Variants in ADAMTSL1 observed in about 807,000 individuals in gnomAD.
The protein encoded by ADAMTSL1 is ADAMTS like 1.
Under a neutral mutation model 201.8 loss-of-function variants are expected in ADAMTSL1, and 126 were observed. The observed-to-expected ratio is 0.62, with a 90% CI of 0.54 to 0.72. The LOEUF is 0.72. Among genes scored for constraint, ADAMTSL1 ranks in the 30% least tolerant of loss-of-function variants. The pLI is 0.00. For synonymous variants in ADAMTSL1, 1,121 were observed against 903.4 expected (o/e 1.24, Z -4.32); for missense variants, 2,679 against 2,277.8 (o/e 1.18, Z -3.59).
chr9:18,147,789 A>C (rs940319569), intron 1 of ADAMTSL1, among the ~76,000 whole-genome samples: 8 of 152,142 alleles, frequency 5.3e-5, no homozygotes, highest in Non-Finnish European at 8.8e-5. Context: ...ATAAGTAGGC[A>C]TGAAAATGAA....
intron 1 of ADAMTSL1, among the ~76,000 whole-genome samples, chr9:18,113,340 A>G (rs1300972438): frequency 6.6e-6 from 1 of 152,074 alleles, no homozygotes; most frequent in Non-Finnish European, 1.5e-5. Flanking sequence ...CAAAACTCCA[A>G]ATGAGGTGGG....
chr9:18,182,285 TAA>T (rs1266490259), intron 2 of ADAMTSL1, among the ~76,000 whole-genome samples: 6 of 124,152 alleles, frequency 4.8e-5, no homozygotes, highest in African/African-American at 3.0e-5. Context: ...ACTTAAAGTA[TAA>T]AAAAAAAAAA....
chr9:18,781,818 C>T (rs1821411644), intron 19 of ADAMTSL1, among the ~76,000 whole-genome samples: 1 of 152,170 alleles, frequency 6.6e-6, no homozygotes, highest in South Asian at 2.1e-4. Context: ...CATGAGCCAG[C>T]AAGATAGGTC....
Position 18,683,766 on chromosome 9 carries a change from A to T in ADAMTSL1, c.1490-950A>T, listed in dbSNP as rs1379030124. ...CTTTACCAAGCCACTTCAGAGAAAG[A>T]AAAGCAGTTTGCAGTTAACTATCAA... On this transcript the variant is annotated intron_variant, in intron 12 of 28. Transcript: ENST00000380548. 2.0e-5 allele frequency among the ~76,000 whole-genome samples: 3 copies of T among 152,264 alleles called. No individual in the cohort carries two copies. The East Asian group carries it at 5.8e-4, about 29-fold the overall frequency.
intron 2 of ADAMTSL1, among the ~76,000 whole-genome samples, chr9:18,413,219 G>T (rs2133323886): frequency 1.5e-5 from 1 of 67,366 alleles, no homozygotes; most frequent in African/African-American, 1.0e-4. Flanking sequence ...CGCAATCTTG[G>T]CTTGCTGCAA....
chr9:18,282,637 C>T (rs1012420555), intron 2 of ADAMTSL1, among the ~76,000 whole-genome samples: 1 of 152,174 alleles, frequency 6.6e-6, no homozygotes, highest in Admixed American at 6.5e-5. Flanking sequence ...GTGGCTCACG[C>T]CTGTAATCCT....
At position 18,093,843 on chromosome 9, in the gene ADAMTSL1, G is replaced by A. The variant is rs952360776; in HGVS notation, c.88-70019G>A. 3.3e-5 allele frequency among the ~76,000 whole-genome samples: 5 copies of A among 152,160 alleles called. No homozygotes were observed. The East Asian group carries it at 7.7e-4, about 23-fold the overall frequency. Reference sequence around the variant, plus strand: ...GGTGTTTGAACCAAGCTTTGGAGAGGGGAAGTGGGGCTGGATGAGGACAGG... The same window carrying A: ...GGTGTTTGAACCAAGCTTTGGAGAGAGGAAGTGGGGCTGGATGAGGACAGG... On this transcript the variant is annotated intron_variant, in intron 1 of 29. Transcript: ENST00000680146.
At chr9:18,071,393 G>A (rs1420905144) in intron 1 of ADAMTSL1, among the ~76,000 whole-genome samples, 1 of 152,210 alleles carries the variant, frequency 6.6e-6, no homozygotes. Flanking sequence ...AACAACAGGG[G>A]TTCCTGCCTT....
chr9:18,889,795 C>T (rs966903047), intron 25 of ADAMTSL1, 47 bp downstream of exon 25: 4 of 1,401,774 alleles, frequency 2.9e-6, no homozygotes, highest in Admixed American at 6.1e-5. Context: ...CTAGGAGGAG[C>T]CCTCCCTGTT....
chr9:18,574,136 C>T lies in ADAMTSL1; in HGVS notation c.344C>T (p.Pro115Leu), dbSNP rs1292531675. 1.9e-6 allele frequency: 3 copies of T among 1,614,122 alleles called. No homozygotes were observed. Among genetic ancestry groups the T allele is most frequent in the East Asian group, 4.5e-5 (2 of 44,874 alleles). Residue 115 changes from proline to leucine, a missense_variant, in exon 4 of 29, where the codon CCT becomes CTT. Coordinates refer to ENST00000380548, the MANE Select transcript of ADAMTSL1 (RefSeq NM_001040272.6). The stretch of plus-strand genomic sequence containing the variant: ...GAATGGCTTCCTGTGTCTAATGACC[C>T]TGACAACCCATGTTCACTCAAGTGC... ...FYEWLPVSNDPDNPCSLKCQA... is the reference protein window; with the variant it reads ...FYEWLPVSNDLDNPCSLKCQA...
Position 18,777,063 on chromosome 9 carries a change from A to G in ADAMTSL1, c.2834A>G (p.Tyr945Cys), listed in dbSNP as rs770672730. 6.2e-7 allele frequency: 1 copy of G among 1,613,276 alleles called. No individual in the cohort carries two copies. Among genetic ancestry groups the G allele is most frequent in the Non-Finnish European group, 8.5e-7 (1 of 1,179,744 alleles). ...CTCAAGCCCTCGGATGCAGGCGTCT[A>G]CACCTGCTCAGCGGGCCCGGCCCGG... ...HRLKPSDAGV[Y>C]TCSAGPAREH... The change falls in exon 19 of 29, where the codon TAC becomes TGC. Residue 945 changes from tyrosine to cysteine, a missense_variant. Transcript: ENST00000380548.
intron 26 of ADAMTSL1, among the ~76,000 whole-genome samples, chr9:18,903,443 G>A (rs952285170): frequency 6.6e-6 from 1 of 152,166 alleles, no homozygotes; most frequent in Non-Finnish European, 1.5e-5. Flanking sequence ...GTGGTTACAT[G>A]TGCAGATGAG....
At position 18,655,806 on chromosome 9, in the gene ADAMTSL1, TAAAA is replaced by T. The variant is rs56662538; in HGVS notation, c.835-1805_835-1802del. ...AGAGAGCTAGAGGCTTTTGTGAGCT[TAAAA>T]AAAAAAAAAAAAAAAAAAAAAAAAA... On this transcript the variant is annotated intron_variant, in intron 7 of 28. Transcript: ENST00000380548. 9.6e-3 allele frequency among the ~76,000 whole-genome samples: 781 copies of T among 81,694 alleles called. 7 individuals carry two copies. Among genetic ancestry groups the T allele is most frequent in the African/African-American group, 0.014 (208 of 15,074 alleles). The allele number at this position is 81,694 out of a possible 152,430, so 53.6% of individuals were successfully genotyped here. A position where few individuals can be genotyped will look rare whatever the true frequency, so the allele number is the denominator to read the frequency against.
chr9:18,430,298 G>A (rs1819428138), intron 2 of ADAMTSL1, among the ~76,000 whole-genome samples: 1 of 152,116 alleles, frequency 6.6e-6, no homozygotes, highest in African/African-American at 2.4e-5. Context: ...TTCACCAACA[G>A]TATTATTTTT....
chr9:18,235,920 A>T (rs1830830925), intron 2 of ADAMTSL1, among the ~76,000 whole-genome samples: 1 of 152,164 alleles, frequency 6.6e-6, no homozygotes, highest in African/African-American at 2.4e-5. Context: ...TTGATTGTTC[A>T]TTACCACATT....
At chr9:18,469,371 T>G (rs976668298), upstream of ADAMTSL1, among the ~76,000 whole-genome samples, 1 of 152,224 alleles carries the variant, frequency 6.6e-6, no homozygotes, top group African/African-American at 2.4e-5. Flanking sequence ...TGTTCTCTGT[T>G]AAAGGGGGTA....
chr9:18,093,481 C>A (rs1824113398), intron 1 of ADAMTSL1, among the ~76,000 whole-genome samples: 1 of 152,150 alleles, frequency 6.6e-6, no homozygotes, highest in Non-Finnish European at 1.5e-5. Flanking sequence ...TTGGAAATAG[C>A]CCTCAAAATT....
intron 15 of ADAMTSL1, among the ~76,000 whole-genome samples, chr9:18,732,051 A>C (rs550879186): frequency 6.6e-6 from 1 of 152,216 alleles, no homozygotes; most frequent in Non-Finnish European, 1.5e-5. Context: ...AATTATCCCA[A>C]CCACAGAGCA....
chr9:18,579,955 A>G (rs918312934), intron 4 of ADAMTSL1, among the ~76,000 whole-genome samples: 3 of 152,224 alleles, frequency 2.0e-5, no homozygotes, highest in African/African-American at 7.2e-5. Flanking sequence ...CTGCTGTTAA[A>G]AATAATTTTG....
Sources: allele counts gnomAD v4.1 joint callset (sites outside exome capture counted in the v4.1 genomes callset), GRCh38; gene constraint gnomAD v4.1.1; transcripts MANE v1.5; gene names NCBI Gene and HGNC (gene_info 2026-07-23, HGNC 2026-07-21).